Variants in WDR72 observed in about 807,000 individuals in gnomAD.
The protein encoded by WDR72 is WD repeat domain 72.
Under a neutral mutation model 124.2 loss-of-function variants are expected in WDR72, and 120 were observed. The ratio of observed to expected loss-of-function variants is 0.97; its 90% confidence interval spans 0.83 to 1.12. The LOEUF is 1.12. Ranked by LOEUF, WDR72 falls within the 50% of genes most tolerant of loss-of-function variation. WDR72 has a pLI of 0.00. For missense variants in WDR72, 1,387 were observed against 1,278.8 expected, an observed-to-expected ratio of 1.08 and a Z score of -1.29; for synonymous variants, 452 against 441.7, an observed-to-expected ratio of 1.02 and a Z score of -0.29.
At chr15:53,624,585 A>C (rs1258898955) in intron 14 of WDR72, among the ~76,000 whole-genome samples, 1 of 152,200 alleles carries the variant, frequency 6.6e-6, no homozygotes, top group East Asian at 1.9e-4. Context: ...AAAAATCCTA[A>C]ATTTGTGTTC....
intron 13 of WDR72, 80 bp from the exon 14 acceptor site, chr15:53,665,848 A>C: frequency 7.2e-7 from 1 of 1,386,268 alleles, no homozygotes; most frequent in South Asian, 1.2e-5. Flanking sequence ...ACTCTTTAGC[A>C]GAAGAATCAC....
chr15:53,756,224 C>T (rs995228662), intron 1 of WDR72, among the ~76,000 whole-genome samples: 1 of 152,120 alleles, frequency 6.6e-6, no homozygotes, highest in African/African-American at 2.4e-5. Context: ...AGTAAGGTCT[C>T]GCGAGATCTG....
intron 9 of WDR72, among the ~76,000 whole-genome samples, chr15:53,707,607 C>T (rs919652544): frequency 2.0e-4 from 31 of 151,954 alleles, no homozygotes; most frequent in Non-Finnish European, 4.1e-4. Context: ...CCACCACGCC[C>T]GGCTAATTTT....
chr15:53,745,027 T>A (rs1183635399), intron 1 of WDR72, among the ~76,000 whole-genome samples: 2 of 100,768 alleles, frequency 2.0e-5, no homozygotes, highest in Non-Finnish European at 2.0e-5. Context: ...CAAACTATAC[T>A]TTATTGTAAA....
At chr15:53,707,708 A>T (rs1464591921) in intron 9 of WDR72, among the ~76,000 whole-genome samples, 1 of 152,116 alleles carries the variant, frequency 6.6e-6, no homozygotes, top group Non-Finnish European at 1.5e-5. Flanking sequence ...GGCCTCCCAA[A>T]GTGCTGGGAT....
chr15:53,620,396 T>A (rs528589248), intron 14 of WDR72, among the ~76,000 whole-genome samples: 36 of 150,306 alleles, frequency 2.4e-4, no homozygotes, highest in African/African-American at 9.0e-4. Context: ...TGATCATATT[T>A]ATTTTTTAAA....
Position 53,615,591 on chromosome 15 carries a change from T to C in WDR72, c.2615A>G (p.Asp872Gly). ...LFSRKVLDLS[D>G]KYTATLPNQV... ...ATTTGGAAGAGTGGCTGTGTATTTA[T>C]CTGACAAGTCCAAAACTTTCCTGGA... Residue 872 changes from aspartate to glycine, a missense_variant, in exon 15 of 20, where the codon GAT becomes GGT. Physicochemically the swap from Asp to Gly is moderately conservative, Grantham distance 94. Coordinates refer to ENST00000360509, the MANE Select transcript of WDR72 (RefSeq NM_182758.4). 6.2e-7 allele frequency: 1 copy of C among 1,613,076 alleles called. No homozygotes were observed. The highest frequency in any genetic ancestry group is 8.5e-7 in the Non-Finnish European group (1 of 1,179,484).
Position 53,699,798 on chromosome 15 carries a change from T to C in WDR72, c.1717A>G (p.Ile573Val), listed in dbSNP as rs1204490936. The C allele has an allele frequency of 1.9e-6, 3 of 1,614,134 alleles. No individual in the cohort carries two copies. Among genetic ancestry groups the C allele is most frequent in the South Asian group, 1.1e-5 (1 of 91,080 alleles). Residue 573 changes from isoleucine (I) to valine (V), a missense_variant, in exon 13 of 20, where the codon ATT becomes GTT. Physicochemically the swap from Ile to Val is conservative, Grantham distance 29. Transcript: ENST00000360509. ...IKWHPVENFL[I>V]VGCADDSVYI... The stretch of plus-strand genomic sequence containing the variant: ...ACTGAGTCATCTGCACATCCAACAA[T>C]TAAAAAATTCTCAACCGGGTGCCAT...
chr15:53,756,292 T>A (rs2018904322), intron 1 of WDR72, among the ~76,000 whole-genome samples: 1 of 152,158 alleles, frequency 6.6e-6, no homozygotes, highest in Admixed American at 6.5e-5. Context: ...CCTGCAACCC[T>A]ATGAAGAGGT....
chr15:53,646,089 C>T (rs1486574562), intron 14 of WDR72, among the ~76,000 whole-genome samples: 2 of 152,126 alleles, frequency 1.3e-5, no homozygotes, highest in East Asian at 3.8e-4. Flanking sequence ...TAAAATGTGA[C>T]TATTGTTCTG....
At position 53,683,079 on chromosome 15, in the gene WDR72, G is replaced by A. The variant is rs539840320; in HGVS notation, c.1765+16671C>T. 7.2e-5 allele frequency among the ~76,000 whole-genome samples: 11 copies of A among 151,906 alleles called. No homozygotes were observed. In the East Asian group the frequency reaches 1.6e-3, roughly 21 times the overall value. Reference sequence around the variant, plus strand: ...AATACTTTTAAAACCATTAGCTCTTGTGAGAACTCCCTCACTATCATGAGA... The same window carrying A: ...AATACTTTTAAAACCATTAGCTCTTATGAGAACTCCCTCACTATCATGAGA... On this transcript the variant is annotated intron_variant, in intron 13 of 19. Transcript: ENST00000360509.
At chr15:53,554,418 C>A (rs1010712713) in intron 18 of WDR72, among the ~76,000 whole-genome samples, 36 of 152,022 alleles carry the variant, frequency 2.4e-4, no homozygotes, top group African/African-American at 7.5e-4. Context: ...AATAGAAAGA[C>A]AAAATGGCAG....
intron 1 of WDR72, among the ~76,000 whole-genome samples, chr15:53,738,846 A>T (rs139686732): frequency 6.6e-5 from 10 of 152,330 alleles, no homozygotes; most frequent in African/African-American, 1.9e-4. Flanking sequence ...ACCTCAGGTG[A>T]TCTGCCCACC....
In WDR72 at chr15:53,616,008, GCAGTTTTAC is replaced by G; in HGVS notation, c.2189_2197del (p.Ser730_Ala733delinsThr). 3 of 1,613,248 alleles carry G rather than the reference GCAGTTTTAC, an allele frequency of 1.9e-6. No individual in the cohort carries two copies. Among genetic ancestry groups the G allele is most frequent in the Non-Finnish European group, 2.5e-6 (3 of 1,179,582 alleles). ...TGCCTCTGCTGAAAGAGGACCACAG[GCAGTTTTAC>G]TTTTTCTCAGTGTCAGTGTCTTCTT... is the stretch of plus-strand genomic sequence containing the variant. On this transcript the variant is annotated inframe_deletion, in exon 15 of 20. Coordinates refer to ENST00000360509, the MANE Select transcript of WDR72 (RefSeq NM_182758.4).
chr15:53,633,542 A>G (rs958345153), intron 14 of WDR72, among the ~76,000 whole-genome samples: 1 of 152,194 alleles, frequency 6.6e-6, no homozygotes, highest in Non-Finnish European at 1.5e-5. Flanking sequence ...AAAATTAACA[A>G]AACAATTCTT....
Position 53,523,243 on chromosome 15 carries a change from A to G in WDR72, c.3228T>C (p.Cys1076=), listed in dbSNP as rs1410035053. ...FQDVEDMPDR[C]ALEESESPGE... is the part of the protein sequence containing the mutation. ...CTGGACTCTCAGACTCTTCCAAGGC[A>G]CATCTGTCAGGCATGTCCTCCACGT... Residue 1076 remains cysteine, a synonymous_variant, in exon 19 of 20, where the codon TGT becomes TGC. Transcript: ENST00000360509. 2.5e-6 allele frequency: 4 copies of G among 1,613,008 alleles called. No individual in the cohort carries two copies. The highest frequency in any genetic ancestry group is 1.7e-5 in the Admixed American group (1 of 59,940).
intron 13 of WDR72, among the ~76,000 whole-genome samples, chr15:53,675,320 A>G (rs1201464943): frequency 7.1e-6 from 1 of 139,888 alleles, no homozygotes; most frequent in Admixed American, 7.4e-5. Context: ...TCCAGCCTTG[A>G]GACAGAGTGA....
At chr15:53,572,474 G>A (rs1475407000) in intron 18 of WDR72, among the ~76,000 whole-genome samples, 1 of 152,032 alleles carries the variant, frequency 6.6e-6, no homozygotes, top group African/African-American at 2.4e-5. Context: ...TTTTCGAAGA[G>A]CTCATTAAAA....
chr15:53,677,849 A>G (rs941549151), intron 13 of WDR72, among the ~76,000 whole-genome samples: 15 of 152,208 alleles, frequency 9.9e-5, no homozygotes, highest in African/African-American at 3.6e-4. Context: ...CAAAATTGCC[A>G]TTATCTACCA....
Sources: allele counts gnomAD v4.1 joint callset (sites outside exome capture counted in the v4.1 genomes callset), GRCh38; gene constraint gnomAD v4.1.1; transcripts MANE v1.5; gene names NCBI Gene and HGNC (gene_info 2026-07-23, HGNC 2026-07-21).